Variants in SPMIP3 observed in about 807,000 individuals in gnomAD.
The protein encoded by SPMIP3 is sperm microtubule inner protein 3, also known as protein SPMIP3.
the SPMIP3 span, among the ~76,000 whole-genome samples, chr1:244,361,887 C>T: frequency 1.3e-5 from 2 of 152,290 alleles, no homozygotes; most frequent in Non-Finnish European, 2.9e-5. Flanking sequence ...TCTGTCCAGC[C>T]TGTCACTTCC....
chr1:244,379,833 T>C, the SPMIP3 span, among the ~76,000 whole-genome samples: 1 of 151,752 alleles, frequency 6.6e-6, no homozygotes, highest in Non-Finnish European at 1.5e-5. Flanking sequence ...TACAAAGTGG[T>C]GGTGCATGCC....
chr1:244,358,088 G>A, the SPMIP3 span, among the ~76,000 whole-genome samples: 1 of 151,838 alleles, frequency 6.6e-6, no homozygotes, highest in African/African-American at 2.4e-5. Context: ...AAATTAGTCA[G>A]GCATGGTGGT....
the SPMIP3 span, among the ~76,000 whole-genome samples, chr1:244,383,107 T>G: frequency 6.6e-6 from 1 of 152,222 alleles, no homozygotes; most frequent in African/African-American, 2.4e-5. Flanking sequence ...CACTTTCACT[T>G]ACCCACACAT....
the SPMIP3 span, among the ~76,000 whole-genome samples, chr1:244,370,330 G>A: frequency 6.6e-6 from 1 of 152,230 alleles, no homozygotes; most frequent in African/African-American, 2.4e-5. Context: ...TGAGGGCACA[G>A]GTCTGGAGGC....
chr1:244,372,694 T>A, the SPMIP3 span, among the ~76,000 whole-genome samples: 2 of 152,080 alleles, frequency 1.3e-5, no homozygotes, highest in Non-Finnish European at 2.9e-5. Flanking sequence ...CCGCCCGCCT[T>A]GGCCTCCCAA....
the SPMIP3 span, chr1:244,376,442 C>T: frequency 1.5e-5 from 2 of 133,996 alleles, no homozygotes; most frequent in East Asian, 4.0e-4. Flanking sequence ...ATATTTTTCA[C>T]ATCAACAGCA....
the SPMIP3 span, among the ~76,000 whole-genome samples, chr1:244,380,069 T>C: frequency 2.0e-5 from 3 of 151,930 alleles, no homozygotes; most frequent in Non-Finnish European, 4.4e-5. Context: ...CCTGCTGTCA[T>C]TGGTGCTTTG....
At chr1:244,356,918 C>CTTTTTTTTTTTTTTTTT in the SPMIP3 span, among the ~76,000 whole-genome samples, 1 of 103,782 alleles carries the variant, frequency 9.6e-6, no homozygotes, top group Non-Finnish European at 1.8e-5. Flanking sequence ...TTTTCTTTTC[C>CTTTTTTTTTTTTTTTTT]TTTTTTTTTT....
chr1:244,364,197 C>T, the SPMIP3 span, among the ~76,000 whole-genome samples: 1 of 152,094 alleles, frequency 6.6e-6, no homozygotes, highest in Non-Finnish European at 1.5e-5. Flanking sequence ...CTCCGCCTCC[C>T]GGGTTCACAC....
chr1:244,354,782 A>G, the SPMIP3 span, among the ~76,000 whole-genome samples: 23 of 152,328 alleles, frequency 1.5e-4, no homozygotes, highest in Admixed American at 1.3e-3. Context: ...CAGATGCTTC[A>G]TATCAGGGAA....
the SPMIP3 span, among the ~76,000 whole-genome samples, chr1:244,372,408 T>C: frequency 1.3e-5 from 2 of 152,296 alleles, no homozygotes; most frequent in East Asian, 3.9e-4. Context: ...TGAGATACGT[T>C]ATGCAAAATG....
At chr1:244,373,608 G>C in the SPMIP3 span, among the ~76,000 whole-genome samples, 3 of 151,300 alleles carry the variant, frequency 2.0e-5, no homozygotes, top group African/African-American at 7.3e-5. Context: ...TAGATATTTT[G>C]TAATATCTCT....
chr1:244,389,109 T>C, the SPMIP3 span: 30 of 1,511,642 alleles, frequency 2.0e-5, no homozygotes, highest in African/African-American at 4.0e-4. Flanking sequence ...CATTCTTAGG[T>C]GGCCCTTTTA....
chr1:244,373,185 A>AG, the SPMIP3 span, among the ~76,000 whole-genome samples: 3 of 151,716 alleles, frequency 2.0e-5, no homozygotes, highest in Non-Finnish European at 4.4e-5. Flanking sequence ...GTTCCAGACC[A>AG]GGCTGGGCAA....
the SPMIP3 span, among the ~76,000 whole-genome samples, chr1:244,364,402 G>A: frequency 2.1e-4 from 32 of 152,134 alleles, no homozygotes; most frequent in South Asian, 2.5e-3. Flanking sequence ...ACCACACCCG[G>A]CCTGCTTTTT....
the SPMIP3 span, among the ~76,000 whole-genome samples, chr1:244,362,139 AAC>A: frequency 1.3e-5 from 2 of 152,216 alleles, no homozygotes; most frequent in Non-Finnish European, 2.9e-5. Flanking sequence ...TGCTTTGAAA[AAC>A]ACACTCAGGT....
At chr1:244,386,294 T>A in the SPMIP3 span, among the ~76,000 whole-genome samples, 1 of 152,220 alleles carries the variant, frequency 6.6e-6, no homozygotes, top group African/African-American at 2.4e-5. Context: ...TATCAACTAA[T>A]TATTCATTTT....
At chr1:244,356,077 A>T in the SPMIP3 span, among the ~76,000 whole-genome samples, 2 of 152,194 alleles carry the variant, frequency 1.3e-5, no homozygotes, top group South Asian at 4.1e-4. Flanking sequence ...CTACGTGGAC[A>T]ATTATGTCAT....
chr1:244,359,688 A>C, the SPMIP3 span, among the ~76,000 whole-genome samples: 350 of 152,024 alleles, frequency 2.3e-3, 4 homozygotes, highest in African/African-American at 8.0e-3. Flanking sequence ...ACGACATTGC[A>C]CTCCAGCCTG....
Sources: allele counts gnomAD v4.1 joint callset (sites outside exome capture counted in the v4.1 genomes callset), GRCh38; gene constraint gnomAD v4.1.1; transcripts MANE v1.5; gene names NCBI Gene and HGNC (gene_info 2026-07-23, HGNC 2026-07-21).